Variants in MZF1 observed in about 807,000 individuals in gnomAD.
MZF1 encodes the protein zinc finger and SCAN domain-containing protein 6.
A neutral mutation model predicts 28.6 loss-of-function variants in MZF1; 24 were observed. That is an observed-to-expected ratio of 0.84 (90% confidence interval 0.61 to 1.18). MZF1 has a LOEUF of 1.18. Ranked by LOEUF, MZF1 falls within the 50% of genes most tolerant of loss-of-function variation. MZF1 has a pLI of 0.00. For synonymous variants in MZF1, 516 were observed against 432.5 expected (o/e 1.19, Z -2.40); for missense variants, 1,166 against 1,026.4 (o/e 1.14, Z -1.86).
intron 1 of MZF1, 49 bp from the exon 2 acceptor site, chr19:58,571,478 C>T (rs2054162775): frequency 6.8e-7 from 1 of 1,463,900 alleles, no homozygotes; most frequent in African/African-American, 1.4e-5. Context: ...ACAGTGAATG[C>T]TTCACTGCCT....
rs1036842671 is a variant in MZF1, at chr19:58,563,138, C to T, written c.1139G>A (p.Gly380Asp). Residue 380 changes from glycine to aspartate, a missense_variant, in exon 6 of 6, where the codon GGT becomes GAT. Physicochemically the swap from Gly to Asp is moderately conservative, Grantham distance 94. Coordinates refer to ENST00000215057, the MANE Select transcript of MZF1 (RefSeq NM_198055.2). ...NLLRHQKIHT[G>D]ERPFVCSECG... ...CTCGCTGCACACGAATGGTCGCTCACCCGTGTGGATCTTCTGGTGCCTCAG... is the reference window on the plus strand; with the variant it reads ...CTCGCTGCACACGAATGGTCGCTCATCCGTGTGGATCTTCTGGTGCCTCAG... 6.2e-7 allele frequency: 1 copy of T among 1,608,846 alleles called. No individual in the cohort carries two copies.
In MZF1 at chr19:58,562,432, A is replaced by C. The variant is rs2053945713; in HGVS notation, c.1845T>G (p.His615Gln). The C allele has an allele frequency of 1.2e-6, 2 of 1,606,786 alleles. No homozygotes were observed. Among genetic ancestry groups the C allele is most frequent in the African/African-American group, 2.7e-5 (2 of 73,148 alleles). The change falls in exon 6 of 6, where the codon CAT (histidine) becomes CAG (glutamine). Residue 615 changes from histidine (H) to glutamine (Q), a missense_variant. Physicochemically the swap from His to Gln is conservative, Grantham distance 24. Transcript: ENST00000215057. Reference protein sequence around the residue: ...RFSQRLKLTRHQRTHTGEKPY... With the variant: ...RFSQRLKLTRQQRTHTGEKPY... ...GCTTTTCGCCGGTGTGTGTCCTCTG[A>C]TGACGCGTGAGCTTGAGGCGCTGGC...
rs759387890 is a variant in MZF1, at chr19:58,562,565, C to G, written c.1712G>C (p.Cys571Ser). The G allele has an allele frequency of 6.2e-7, 1 of 1,600,242 alleles. No individual in the cohort carries two copies. Among genetic ancestry groups the G allele is most frequent in the South Asian group, 1.1e-5 (1 of 89,628 alleles). Residue 571 changes from cysteine (C) to serine (S), a missense_variant, in exon 6 of 6, where the codon TGC (cysteine) becomes TCC (serine). Cys to Ser is a moderately radical substitution (Grantham distance 112). Coordinates refer to ENST00000215057, the MANE Select transcript of MZF1 (RefSeq NM_198055.2). ...RIHTGERPFA[C>S]AECGKAFRQR... is the part of the protein sequence containing the mutation. ...GCGGAAGGCCTTGCCACACTCGGCGCAGGCGAAGGGCCGCTCCCCGGTGTG... is the reference window on the plus strand; with the variant it reads ...GCGGAAGGCCTTGCCACACTCGGCGGAGGCGAAGGGCCGCTCCCCGGTGTG...
rs759544641 is a variant in MZF1 at position 58,571,296 on chromosome 19, C to A, written c.94G>T (p.Glu32Ter). The part of the protein sequence containing the change: ...VKLEDSEEEG[E>*]AALWDPGPEA... ...GGGCCTGGGTCCCATAAGGCAGCCT[C>A]ACCCTCCTCCTCAGAGTCCTCTAGC... Residue 32 changes from glutamate (E) to a stop codon, truncating the protein, a stop_gained, in exon 2 of 6, where the codon GAG becomes TAG. Transcript: ENST00000215057. LOFTEE classifies it high-confidence loss of function. 6.2e-7 allele frequency: 1 copy of A among 1,614,096 alleles called. No homozygotes were observed. The highest frequency in any genetic ancestry group is 2.2e-5 in the East Asian group (1 of 44,872).
chr19:58,562,319 A>C lies in MZF1; in HGVS notation c.1958T>G (p.Phe653Cys). Residue 653 changes from phenylalanine (F) to cysteine (C), a missense_variant, in exon 6 of 6, where the codon TTC becomes TGC. Coordinates refer to ENST00000215057, the MANE Select transcript of MZF1 (RefSeq NM_198055.2). ...GCTCTGGCCGCACTCGGGGCAGGCG[A>C]AGGGCCGTTCGCCCGTGTGGATGCG... ...HQRIHTGERPFACPECGQSFR... is the reference protein window; with the variant it reads ...HQRIHTGERPCACPECGQSFR... 1 of 1,607,990 alleles carries C rather than the reference A, an allele frequency of 6.2e-7. No individual in the cohort carries two copies. The highest frequency in any genetic ancestry group is 1.4e-5 in the African/African-American group (1 of 74,052).
At position 58,562,527 on chromosome 19, in the gene MZF1, G is replaced by C; in HGVS notation, c.1750C>G (p.Leu584Val). 1 of 1,609,250 alleles carries C rather than the reference G, an allele frequency of 6.2e-7. No homozygotes were observed. The highest frequency in any genetic ancestry group is 8.5e-7 in the Non-Finnish European group (1 of 1,178,656). Residue 584 changes from leucine (L) to valine (V), a missense_variant, in exon 6 of 6, where the codon CTC (leucine) becomes GTC (valine). Coordinates refer to ENST00000215057, the MANE Select transcript of MZF1 (RefSeq NM_198055.2). ...CGKAFRQRPT[L>V]TQHLRVHTGE... is the part of the protein sequence containing the mutation. Reference sequence around the variant, plus strand: ...GTGTGTACGCGGAGATGCTGCGTGAGCGTAGGCCGCTGGCGGAAGGCCTTG... The same window carrying C: ...GTGTGTACGCGGAGATGCTGCGTGACCGTAGGCCGCTGGCGGAAGGCCTTG...
chr19:58,571,174 C>T lies in MZF1; in HGVS notation c.216G>A (p.Trp72Ter). 1.2e-6 allele frequency: 2 copies of T among 1,613,780 alleles called. No homozygotes were observed. The highest frequency in any genetic ancestry group is 1.7e-6 in the Non-Finnish European group (2 of 1,179,830). Reference sequence around the variant, plus strand: ...CCTTGGAGCGTACCTCTGGACGCAGCCACTGGCGACACAGCTCTCGGAGCT... The same window carrying T: ...CCTTGGAGCGTACCTCTGGACGCAGTCACTGGCGACACAGCTCTCGGAGCT... ...LAQLRELCRQWLRPEVRSKEQ... is the reference protein window; with the variant it reads ...LAQLRELCRQ Residue 72 changes from tryptophan to a stop codon, truncating the protein, a stop_gained, in exon 2 of 6, where the codon TGG becomes TGA. Coordinates refer to ENST00000215057, the MANE Select transcript of MZF1 (RefSeq NM_198055.2). LOFTEE classifies it high-confidence loss of function.
chr19:58,562,716 G>A lies in MZF1; in HGVS notation c.1561C>T (p.Arg521Cys), dbSNP rs767108912. ...KSFGCVECGE[R>C]FGRRSVLLQH... Reference sequence around the variant, plus strand: ...AGCAGCACTGAGCGGCGGCCGAAGCGCTCGCCGCACTCGACGCAGCCAAAG... The same window carrying A: ...AGCAGCACTGAGCGGCGGCCGAAGCACTCGCCGCACTCGACGCAGCCAAAG... Residue 521 changes from arginine (R) to cysteine (C), a missense_variant, in exon 6 of 6, where the codon CGC becomes TGC. Transcript: ENST00000215057. The A allele has an allele frequency of 2.7e-5, 42 of 1,534,946 alleles. No individual in the cohort carries two copies. The highest frequency in any genetic ancestry group is 1.9e-4 in the Middle Eastern group (1 of 5,366).
chr19:58,563,260 C>T lies in MZF1; in HGVS notation c.1017G>A (p.Arg339=). Residue 339 remains arginine (R), a synonymous_variant, in exon 6 of 6, where the codon AGG becomes AGA. Transcript: ENST00000215057. ...ALITTRWRSP[R]GRSRGRPSTG... Reference sequence around the variant, plus strand: ...TGCTGGGGCGGCCCCGGCTCCGGCCCCTGGGGGAGCGCCAGCGGGTGGTGA... The same window carrying T: ...TGCTGGGGCGGCCCCGGCTCCGGCCTCTGGGGGAGCGCCAGCGGGTGGTGA... 1 of 1,607,274 alleles carries T rather than the reference C, an allele frequency of 6.2e-7. No homozygotes were observed. The highest frequency in any genetic ancestry group is 8.5e-7 in the Non-Finnish European group (1 of 1,177,366).
rs754586769 is a variant in MZF1, at chr19:58,563,195, C to G, written c.1082G>C (p.Cys361Ser). 6.2e-7 allele frequency: 1 copy of G among 1,611,374 alleles called. No individual in the cohort carries two copies. The highest frequency in any genetic ancestry group is 1.1e-5 in the South Asian group (1 of 90,962). ...GCTGCGTTGGCTGAACACCTTGCCA[C>G]ATACATCGCAACGGCCGCCCCTAAC... ...GVVRGGRCDV[C>S]GKVFSQRSNL... Residue 361 changes from cysteine to serine, a missense_variant, in exon 6 of 6, where the codon TGT becomes TCT. Cys to Ser is a moderately radical substitution (Grantham distance 112). Transcript: ENST00000215057.
intron 5 of MZF1, among the ~76,000 whole-genome samples, chr19:58,564,924 T>TG (rs2054016639): frequency 2.4e-5 from 3 of 123,404 alleles, no homozygotes; most frequent in African/African-American, 6.6e-5. Context: ...TTTTTTTTTT[T>TG]TTTTTTTTTT....
chr19:58,569,848 G>C (rs756114519), intron 3 of MZF1: 4 of 469,374 alleles, frequency 8.5e-6, no homozygotes, highest in Non-Finnish European at 1.5e-5. Flanking sequence ...CATGGGGCAA[G>C]GTGGTCAGCG....
At chr19:58,566,947 G>T (rs1166331571) in intron 5 of MZF1, among the ~76,000 whole-genome samples, 1 of 148,702 alleles carries the variant, frequency 6.7e-6, no homozygotes, top group Non-Finnish European at 1.5e-5. Flanking sequence ...CCATTGCCCA[G>T]ACTGGTGTGC....
intron 5 of MZF1, among the ~76,000 whole-genome samples, chr19:58,567,561 A>C (rs1019925835): frequency 6.6e-6 from 1 of 152,224 alleles, no homozygotes; most frequent in African/African-American, 2.4e-5. Flanking sequence ...AGACGATGGA[A>C]CGAAACATGC....
Position 58,562,586 on chromosome 19 carries a change from G to C in MZF1, c.1691C>G (p.Thr564Ser). 6.3e-7 allele frequency: 1 copy of C among 1,589,876 alleles called. No individual in the cohort carries two copies. The highest frequency in any genetic ancestry group is 8.5e-7 in the Non-Finnish European group (1 of 1,171,166). The change falls in exon 6 of 6, where the codon ACC (threonine) becomes AGC (serine). Residue 564 changes from threonine to serine, a missense_variant. Thr to Ser is a moderately conservative substitution (Grantham distance 58, BLOSUM62 1). Transcript: ENST00000215057. ...SNLTQHRRIH[T>S]GERPFACAEC... ...GGCGCAGGCGAAGGGCCGCTCCCCG[G>C]TGTGGATGCGCCGGTGCTGCGTCAG...
chr19:58,569,669 G>T, intron 3 of MZF1, 83 bp from the exon 4 acceptor site: 1 of 1,217,140 alleles, frequency 8.2e-7, no homozygotes, highest in Non-Finnish European at 1.2e-6. Flanking sequence ...GTGCTGGGAT[G>T]CAGAGAGGTG....
At position 58,562,928 on chromosome 19, in the gene MZF1, C is replaced by T. The variant is rs973356891; in HGVS notation, c.1349G>A (p.Arg450Gln). ...FRCAECGQSF[R>Q]QRSNLLQHQR... The stretch of plus-strand genomic sequence containing the variant: ...GTGCTGCAGCAGATTGGAGCGCTGC[C>T]GGAAGCTCTGGCCGCACTCAGCGCA... Residue 450 changes from arginine (R) to glutamine (Q), a missense_variant, in exon 6 of 6, where the codon CGG (arginine) becomes CAG (glutamine). Coordinates refer to ENST00000215057, the MANE Select transcript of MZF1 (RefSeq NM_198055.2). The T allele has an allele frequency of 8.1e-6, 13 of 1,595,292 alleles. No individual in the cohort carries two copies. The Admixed American group carries it at 1.0e-4, about 12-fold the overall frequency.
rs566952259 is a variant in MZF1 at position 58,562,534 on chromosome 19, C to A, written c.1743G>T (p.Arg581=). ...CGCGGAGATGCTGCGTGAGCGTAGG[C>A]CGCTGGCGGAAGGCCTTGCCACACT... ...CAECGKAFRQ[R]PTLTQHLRVH... Residue 581 remains arginine, a synonymous_variant, in exon 6 of 6, where the codon CGG becomes CGT. Coordinates refer to ENST00000215057, the MANE Select transcript of MZF1 (RefSeq NM_198055.2). The A allele has an allele frequency of 4.4e-6, 7 of 1,607,184 alleles. No individual in the cohort carries two copies. In the South Asian group the frequency reaches 7.7e-5, roughly 18 times the overall value.
At chr19:58,563,638 G>A (rs1040556741) in intron 5 of MZF1, 134 bp from the exon 6 acceptor site, 1 of 677,766 alleles carries the variant, frequency 1.5e-6, no homozygotes, top group Non-Finnish European at 2.4e-6. Context: ...GACAAATGCA[G>A]GGGTAGGGAT....
Sources: gnomAD v4.1 joint callset for allele counts (sites outside exome capture counted in the v4.1 genomes callset) on GRCh38, gnomAD v4.1.1 for gene constraint, MANE v1.5 for transcripts, NCBI Gene and HGNC (gene_info 2026-07-23, HGNC 2026-07-21) for gene names.